The following SLCO3A1 variants were observed in gnomAD, a reference collection of about 807,000 sequenced individuals.
SLCO3A1 encodes solute carrier organic anion transporter family member 3A1.
A neutral mutation model predicts 63.1 loss-of-function variants in SLCO3A1; 27 were observed. The ratio of observed to expected loss-of-function variants is 0.43; its 90% CI spans 0.32 to 0.59. The LOEUF (loss-of-function observed/expected upper bound fraction) is 0.59, where lower values mean the gene tolerates loss of function less well. SLCO3A1 is among the 20% of genes least tolerant of loss of function. The pLI, the probability that SLCO3A1 is intolerant of heterozygous loss-of-function variation, is 0.09. For missense variants in SLCO3A1, 773 were observed against 945.8 expected (o/e 0.82, Z 2.40); for synonymous variants, 473 against 409.9 (o/e 1.15, Z -1.86).
Position 91,927,200 on chromosome 15 carries a change from C to A in SLCO3A1, c.646+10742C>A, listed in dbSNP as rs1004131858. On this transcript the variant is annotated intron_variant, in intron 2 of 9. Coordinates refer to ENST00000318445, the MANE Select transcript of SLCO3A1 (RefSeq NM_013272.4). ...AAAATTCCTTTGGGGCTGAAATTTTCCATCCCTTCTTTCAGCCTAACCGTG... is the reference window on the plus strand; with the variant it reads ...AAAATTCCTTTGGGGCTGAAATTTTACATCCCTTCTTTCAGCCTAACCGTG... 3.9e-5 allele frequency among the ~76,000 whole-genome samples: 6 copies of A among 152,150 alleles called. No individual in the cohort carries two copies. The East Asian group carries it at 1.2e-3, about 29-fold the overall frequency.
At chr15:92,157,390 G>A in intron 9 of SLCO3A1, 1 of 152,138 alleles carries the variant, frequency 6.6e-6, no homozygotes, top group Non-Finnish European at 1.5e-5. Flanking sequence ...GAGTGAAGGT[G>A]CTCAAAACCA....
chr15:91,997,379 A>C (rs1488209723), intron 2 of SLCO3A1, among the ~76,000 whole-genome samples: 1 of 152,232 alleles, frequency 6.6e-6, no homozygotes, highest in East Asian at 1.9e-4. Context: ...ATGGAAAAAC[A>C]TCCCATGCTC....
rs368726551 is a variant in SLCO3A1, at chr15:92,128,373, G to C, written c.1396G>C (p.Asp466His). ...GNSTAPGSAL[D>H]PYSPCNNNCE... ...CAGCACAGCACCTGGCTCAGCCCTG[G>C]ACCCCTACTCGCCCTGCAATAATAA... The change falls in exon 7 of 10, where the codon GAC (aspartate) becomes CAC (histidine). Residue 466 changes from aspartate (D) to histidine (H), a missense_variant. By Grantham distance (81) the Asp-to-His change is moderately conservative. Coordinates refer to ENST00000318445, the MANE Select transcript of SLCO3A1 (RefSeq NM_013272.4). The C allele has an allele frequency of 1.5e-4, 238 of 1,613,994 alleles. No individual in the cohort carries two copies. Among genetic ancestry groups the C allele is most frequent in the Middle Eastern group, 4.9e-4 (3 of 6,082 alleles).
At chr15:92,068,112 G>A (rs1249060182) in intron 2 of SLCO3A1, among the ~76,000 whole-genome samples, 1 of 152,180 alleles carries the variant, frequency 6.6e-6, no homozygotes, top group Non-Finnish European at 1.5e-5. Flanking sequence ...CAAACGTTCA[G>A]ACCATAGCAG....
intron 2 of SLCO3A1, among the ~76,000 whole-genome samples, chr15:91,989,076 G>A (rs1440041229): frequency 6.6e-6 from 1 of 152,140 alleles, no homozygotes. Context: ...TCCTGACACT[G>A]CCCTTTTCCT....
Position 91,954,018 on chromosome 15 carries a change from T to C in SLCO3A1, c.646+37560T>C, listed in dbSNP as rs1425843167. Among the ~76,000 whole-genome samples, 1 of 152,212 alleles carries C rather than the reference T, an allele frequency of 6.6e-6. No homozygotes were observed. The highest frequency in any genetic ancestry group is 2.4e-5 in the African/African-American group (1 of 41,460). On this transcript the variant is annotated intron_variant, in intron 2 of 9. Coordinates refer to ENST00000318445, the MANE Select transcript of SLCO3A1 (RefSeq NM_013272.4). This position sits in a 1 kb window ranked among gnomAD's most constrained non-coding sequence, Gnocchi z 4.7. ...AAATAGGGGTATGTCTATGGATATT[T>C]ACTGTATTAGAAATTAAAACTGAGG...
intron 8 of SLCO3A1, 62 bp downstream of exon 8, chr15:92,147,221 C>G: frequency 1.3e-6 from 2 of 1,507,036 alleles, no homozygotes; most frequent in Non-Finnish European, 1.8e-6. Context: ...TGCAGGCCTC[C>G]TAGGGACCAG....
chr15:91,943,252 G>A (rs1266397855), intron 2 of SLCO3A1, among the ~76,000 whole-genome samples: 2 of 152,046 alleles, frequency 1.3e-5, no homozygotes, highest in Admixed American at 6.5e-5. Flanking sequence ...CCTCCCCTCA[G>A]CCCTTGGCAA....
intron 7 of SLCO3A1, among the ~76,000 whole-genome samples, chr15:92,144,579 C>G (rs915009743): frequency 6.6e-6 from 1 of 152,154 alleles, no homozygotes; most frequent in African/African-American, 2.4e-5. Context: ...AGAGGTTCTG[C>G]CTGTGTCTGT....
At chr15:92,166,288 G>A (rs1483853781), downstream of SLCO3A1, among the ~76,000 whole-genome samples, 3 of 152,092 alleles carry the variant, frequency 2.0e-5, no homozygotes, top group Admixed American at 1.3e-4. Flanking sequence ...CTCCTCTCAC[G>A]GTCCCCCCGA....
In SLCO3A1 at chr15:91,968,414, G is replaced by A. The variant is rs556137355; in HGVS notation, c.646+51956G>A. ...AAGCACAGAGAGTGAGTCATAGAGT[G>A]GCCCTCTAGAATCCTCCAGCCTGTG... On this transcript the variant is annotated intron_variant, in intron 2 of 9. Transcript: ENST00000318445. The surrounding 1 kb of genome is among the most constrained non-coding windows in gnomAD (Gnocchi z 4.2). 6.6e-6 allele frequency among the ~76,000 whole-genome samples: 1 copy of A among 151,992 alleles called. No homozygotes were observed. The highest frequency in any genetic ancestry group is 1.5e-5 in the Non-Finnish European group (1 of 68,026).
In SLCO3A1 at chr15:91,886,924, C is replaced by T. The variant is rs749748860; in HGVS notation, c.181-29069C>T. Among the ~76,000 whole-genome samples, 3 of 152,170 alleles carry T rather than the reference C, an allele frequency of 2.0e-5. No homozygotes were observed. The highest frequency in any genetic ancestry group is 2.9e-5 in the Non-Finnish European group (2 of 68,034). On this transcript the variant is annotated intron_variant, in intron 1 of 9. Transcript: ENST00000318445. This position sits in a 1 kb window ranked among gnomAD's most constrained non-coding sequence, Gnocchi z 4.9. ...CAGGCTCAGGAGGTTAAAAATTCTG[C>T]TTACAGCTGAAGTTGCAGTTGCGTG...
intron 1 of SLCO3A1, among the ~76,000 whole-genome samples, chr15:91,879,468 A>G (rs1443070616): frequency 2.0e-5 from 3 of 152,212 alleles, no homozygotes; most frequent in African/African-American, 7.2e-5. Flanking sequence ...CTTGGGAGAA[A>G]TGATGAGTAT....
intron 2 of SLCO3A1, among the ~76,000 whole-genome samples, chr15:92,030,134 G>A (rs2046628507): frequency 1.3e-5 from 2 of 152,210 alleles, no homozygotes; most frequent in South Asian, 4.1e-4. Context: ...AAAATTGAAT[G>A]CGATCCTCCT....
In SLCO3A1 at chr15:91,948,212, T is replaced by C. The variant is rs1309802081; in HGVS notation, c.646+31754T>C. Among the ~76,000 whole-genome samples, 1 of 152,166 alleles carries C rather than the reference T, an allele frequency of 6.6e-6. No individual in the cohort carries two copies. Among genetic ancestry groups the C allele is most frequent in the Non-Finnish European group, 1.5e-5 (1 of 68,044 alleles). ...GCCATGCGGCTAATGAATGCCGACCTCCGGGAAGCTTTTTCCACTCCTGCT... is the reference window on the plus strand; with the variant it reads ...GCCATGCGGCTAATGAATGCCGACCCCCGGGAAGCTTTTTCCACTCCTGCT... On this transcript the variant is annotated intron_variant, in intron 2 of 9. Transcript: ENST00000318445. The surrounding 1 kb of genome is among the most constrained non-coding windows in gnomAD (Gnocchi z 4.8).
chr15:92,013,093 A>G (rs1242500268), intron 2 of SLCO3A1, among the ~76,000 whole-genome samples: 1 of 152,196 alleles, frequency 6.6e-6, no homozygotes, highest in Non-Finnish European at 1.5e-5. Context: ...CCACTGGACT[A>G]GAAGAAAGGA....
rs1269348737 is a variant in SLCO3A1 at position 91,941,596 on chromosome 15, C to T, written c.646+25138C>T. On this transcript the variant is annotated intron_variant, in intron 2 of 9. Coordinates refer to ENST00000318445, the MANE Select transcript of SLCO3A1 (RefSeq NM_013272.4). The surrounding 1 kb of genome is among the most constrained non-coding windows in gnomAD (Gnocchi z 4.4). ...CACTCAGTAAGTAATCTTTTCTCTT[C>T]CTTCGTCTTGGAGGTTTTGAAGCTT... The T allele has an allele frequency of 2.2e-6, 1 of 455,780 alleles. No individual in the cohort carries two copies. Among genetic ancestry groups the T allele is most frequent in the Non-Finnish European group, 4.4e-6 (1 of 226,730 alleles). 28.2% of individuals were successfully genotyped at this position (455,780 alleles called of 1,614,324 possible).
intron 2 of SLCO3A1, among the ~76,000 whole-genome samples, chr15:92,077,192 C>T (rs149954445): frequency 6.4e-4 from 97 of 152,268 alleles, no homozygotes; most frequent in African/African-American, 2.2e-3. Context: ...CCTCCCACGA[C>T]CCGTGGGAAT....
In SLCO3A1 at chr15:91,886,110, C is replaced by G. The variant is rs1897718178; in HGVS notation, c.181-29883C>G. 6.6e-6 allele frequency among the ~76,000 whole-genome samples: 1 copy of G among 152,060 alleles called. No homozygotes were observed. The highest frequency in any genetic ancestry group is 1.5e-5 in the Non-Finnish European group (1 of 68,020). On this transcript the variant is annotated intron_variant, in intron 1 of 9. Transcript: ENST00000318445. This position sits in a 1 kb window ranked among gnomAD's most constrained non-coding sequence, Gnocchi z 4.9. ...GCTGGCAAATCTGACTAGTCCATTT[C>G]CCTAGTACTCCTGCTTACCTCTGCA...
Sources: allele counts gnomAD v4.1 joint callset (sites outside exome capture counted in the v4.1 genomes callset), GRCh38; gene constraint gnomAD v4.1.1; non-coding constraint Gnocchi (gnomAD v3.1); transcripts MANE v1.5; gene names NCBI Gene and HGNC (gene_info 2026-07-23, HGNC 2026-07-21).